Variants in RBPJ observed in about 807,000 individuals in gnomAD.
The protein encoded by RBPJ is recombination signal binding protein for immunoglobulin kappa J region, also known as recombining binding protein suppressor of hairless.
RBPJ carries 9 observed loss-of-function variants against 67.8 expected under a neutral mutation model. The ratio of observed to expected loss-of-function variants is 0.13; its 90% CI spans 0.08 to 0.23. The LOEUF is 0.23. RBPJ is among the 10% of genes least tolerant of loss of function. The pLI, the probability that RBPJ is intolerant of heterozygous loss-of-function variation, is 1.00. For synonymous variants in RBPJ, 198 were observed against 203.3 expected, an observed-to-expected ratio of 0.97 and a Z score of 0.22; for missense variants, 305 against 595.6, an observed-to-expected ratio of 0.51 and a Z score of 5.08.
intron 1 of RBPJ, among the ~76,000 whole-genome samples, chr4:26,356,706 G>A (rs956888178): frequency 6.6e-6 from 1 of 152,140 alleles, no homozygotes; most frequent in Non-Finnish European, 1.5e-5. Context: ...TATTTAGCCA[G>A]TTCCCATTTG....
intron 7 of RBPJ, chr4:26,428,519 A>G (rs974203978): frequency 1.8e-5 from 9 of 492,114 alleles, no homozygotes; most frequent in African/African-American, 6.0e-5. Context: ...CAGTTTCTAC[A>G]TTCTGACATG....
chr4:26,115,982 A>G, the RBPJ span, among the ~76,000 whole-genome samples: 8 of 152,156 alleles, frequency 5.3e-5, no homozygotes, highest in Non-Finnish European at 1.2e-4. Flanking sequence ...TTAACTTCCT[A>G]TTTAAAATAA....
intron 1 of RBPJ, among the ~76,000 whole-genome samples, chr4:26,165,301 A>G (rs1362934291): frequency 4.6e-5 from 7 of 152,216 alleles, no homozygotes; most frequent in Non-Finnish European, 8.8e-5. Context: ...TGCTATAATT[A>G]TCTATGCTGA....
chr4:26,407,968 G>A (rs1287639548), intron 3 of RBPJ, among the ~76,000 whole-genome samples: 1 of 137,376 alleles, frequency 7.3e-6, no homozygotes, highest in Non-Finnish European at 1.5e-5. Context: ...TCCACTTACT[G>A]GGCTCAGGTG....
rs1736052044 is a variant in RBPJ at position 26,430,012 on chromosome 4, C to G, written c.1003C>G (p.Leu335Val). 6.2e-7 allele frequency: 1 copy of G among 1,614,092 alleles called. No homozygotes were observed. Residue 335 changes from leucine (L) to valine (V), a missense_variant, in exon 9 of 11, where the codon CTT becomes GTT. This residue lies in a region of RBPJ where 16 missense variants were observed against 17.1 expected (regional missense o/e 0.94). Transcript: ENST00000355476. This position sits in a 1 kb window ranked among gnomAD's most constrained non-coding sequence, Gnocchi z 4.1. ...YTFYEGMGPVLAPVTPVPVVE... is the reference protein window; with the variant it reads ...YTFYEGMGPVVAPVTPVPVVE... ...ATTTTATGAGGGAATGGGCCCTGTC[C>G]TTGCCCCAGTCACTCCTGTGCCTGT...
chr4:26,268,225 T>C (rs530790968), intron 1 of RBPJ, among the ~76,000 whole-genome samples: 1 of 152,284 alleles, frequency 6.6e-6, no homozygotes, highest in African/African-American at 2.4e-5. Flanking sequence ...AACCATGTTC[T>C]TTGTTTGCCT....
intron 4 of RBPJ, 109 bp from the exon 5 acceptor site, chr4:26,420,442 C>A: frequency 1.6e-6 from 1 of 625,366 alleles, no homozygotes; most frequent in Non-Finnish European, 2.6e-6. Flanking sequence ...TATCAGCTAT[C>A]CCTTGGAATT....
intron 1 of RBPJ, among the ~76,000 whole-genome samples, chr4:26,251,843 G>A (rs546440823): frequency 9.1e-4 from 79 of 86,606 alleles, no homozygotes; most frequent in African/African-American, 3.4e-3. Context: ...GCGAGACTCC[G>A]TCTCAAAAAA....
chr4:26,413,120 C>T (rs529977662), intron 3 of RBPJ: 33 of 152,662 alleles, frequency 2.2e-4, no homozygotes, highest in African/African-American at 7.5e-4. Flanking sequence ...CCTCTGGCTT[C>T]GCTGCCTGTT....
In RBPJ at chr4:26,269,207, T is replaced by TTTTA. The variant is rs572523495; in HGVS notation, c.-166-93222_-166-93219dup. On this transcript the variant is annotated intron_variant, in intron 1 of 4. Transcript: ENST00000512351. ...GGCCCTCTCCTTGGCTATTATTTTA[T>TTTTA]TTTATTTATTTATTTATTTAATTTA... Among the ~76,000 whole-genome samples, 1,021 of 150,588 alleles carry TTTTA rather than the reference T, an allele frequency of 6.8e-3. 13 individuals carry two copies. The highest frequency in any genetic ancestry group is 0.023 in the African/African-American group (965 of 41,266).
intron 1 of RBPJ, among the ~76,000 whole-genome samples, chr4:26,341,881 G>A (rs1725577365): frequency 6.6e-6 from 1 of 152,170 alleles, no homozygotes; most frequent in Non-Finnish European, 1.5e-5. Context: ...TAATGTTTCA[G>A]TAGAAAGGTA....
intron 1 of RBPJ, among the ~76,000 whole-genome samples, chr4:26,327,495 A>G (rs1351712189): frequency 6.9e-6 from 1 of 144,458 alleles, no homozygotes; most frequent in Non-Finnish European, 1.5e-5. Flanking sequence ...AACTGCATCT[A>G]TTTGATGTGA....
chr4:26,331,983 A>G (rs566291536), intron 1 of RBPJ, among the ~76,000 whole-genome samples: 5 of 152,124 alleles, frequency 3.3e-5, no homozygotes, highest in African/African-American at 1.2e-4. Flanking sequence ...TGTGTAGTGA[A>G]TTTTTTCTAG....
At chr4:26,171,970 A>G (rs1189004003) in intron 1 of RBPJ, among the ~76,000 whole-genome samples, 6 of 152,190 alleles carry the variant, frequency 3.9e-5, no homozygotes, top group Non-Finnish European at 8.8e-5. Context: ...GGTAAGTGGG[A>G]AATACTGGAG....
chr4:26,275,811 T>G (rs1395250867), intron 1 of RBPJ, among the ~76,000 whole-genome samples: 1 of 151,940 alleles, frequency 6.6e-6, no homozygotes, highest in Non-Finnish European at 1.5e-5. Context: ...TTTGTATTTT[T>G]AGTAGAGACG....
chr4:26,407,933 C>G (rs1055111128), intron 3 of RBPJ, among the ~76,000 whole-genome samples: 1 of 116,870 alleles, frequency 8.6e-6, no homozygotes, highest in Non-Finnish European at 1.6e-5. Context: ...CTCTGTTGCC[C>G]TGGCTGGAGT....
chr4:26,109,452 CTCTCTCTCTATATATATATATATATATA>C, the RBPJ span, among the ~76,000 whole-genome samples: 1 of 24,222 alleles, frequency 4.1e-5, no homozygotes, highest in Admixed American at 4.7e-4. Flanking sequence ...CTCTCTCTCT[CTCTCTCTCTATATATATATATATATATA>C]TATATATATA....
chr4:26,299,940 C>T (rs1236503185), intron 1 of RBPJ, among the ~76,000 whole-genome samples: 1 of 152,134 alleles, frequency 6.6e-6, no homozygotes. Context: ...CCGCCTCGGC[C>T]TCCCAAAGTG....
chr4:26,109,452 CTCTCTCTCTA>C, the RBPJ span, among the ~76,000 whole-genome samples: 10 of 24,214 alleles, frequency 4.1e-4, no homozygotes, highest in African/African-American at 1.0e-3. Context: ...CTCTCTCTCT[CTCTCTCTCTA>C]TATATATATA....
Sources: gnomAD v4.1 joint callset for allele counts (sites outside exome capture counted in the v4.1 genomes callset) on GRCh38, gnomAD v4.1.1 for gene constraint, gnomAD v4.1.1 regional missense constraint, Gnocchi (gnomAD v3.1) non-coding constraint, MANE v1.5 for transcripts, NCBI Gene and HGNC (gene_info 2026-07-23, HGNC 2026-07-21) for gene names.